ESR1: variants seen among roughly 807,000 people sequenced by gnomAD.
ESR1 encodes the protein estrogen receptor.
Under a neutral mutation model 52.7 loss-of-function variants are expected in ESR1, and 12 were observed. That is an observed-to-expected ratio of 0.23 (90% CI 0.15 to 0.37). ESR1 has a LOEUF of 0.37. Among genes scored for constraint, ESR1 ranks in the 10% least tolerant of loss-of-function variants. The pLI, the probability that ESR1 is intolerant of heterozygous loss-of-function variation, is 1.00. For missense variants in ESR1, 584 were observed against 779.7 expected, an observed-to-expected ratio of 0.75 and a Z score of 2.99; for synonymous variants, 305 against 316.8, an observed-to-expected ratio of 0.96 and a Z score of 0.39.
intron 3 of ESR1, among the ~76,000 whole-genome samples, chr6:151,881,761 T>A (rs1792954273): frequency 6.6e-6 from 1 of 152,064 alleles, no homozygotes; most frequent in Non-Finnish European, 1.5e-5. Flanking sequence ...CGAGTGCCAG[T>A]AGGCCCAGCT....
chr6:151,723,728 G>A (rs532917432), intron 2 of ESR1, among the ~76,000 whole-genome samples: 3 of 152,152 alleles, frequency 2.0e-5, no homozygotes, highest in Admixed American at 1.3e-4. Flanking sequence ...AATTAGCTGG[G>A]CGTGGTGGAG....
chr6:151,777,585 A>C (rs185896871), intron 2 of ESR1, among the ~76,000 whole-genome samples: 2 of 152,322 alleles, frequency 1.3e-5, no homozygotes, highest in East Asian at 3.9e-4. Context: ...AAGAAGGGTC[A>C]TGTGGGGACT....
At chr6:151,683,366 G>C (rs1470766144) in intron 1 of ESR1, among the ~76,000 whole-genome samples, 1 of 151,934 alleles carries the variant, frequency 6.6e-6, no homozygotes, top group East Asian at 1.9e-4. Context: ...GGTGAATGCA[G>C]GTCTCTTTGG....
chr6:151,723,573 A>G (rs1781612916), intron 2 of ESR1, among the ~76,000 whole-genome samples: 1 of 152,168 alleles, frequency 6.6e-6, no homozygotes, highest in Admixed American at 6.5e-5. Flanking sequence ...TCCATGTAAC[A>G]AAACAGCGCT....
At chr6:152,022,611 GT>G (rs1280071880) in intron 5 of ESR1, among the ~76,000 whole-genome samples, 3 of 152,094 alleles carry the variant, frequency 2.0e-5, no homozygotes, top group Non-Finnish European at 4.4e-5. Context: ...CCAGCCTGGG[GT>G]TAAGGCAGTT....
chr6:152,125,151 A>G, intron 6 of ESR1: 1 of 1,249,536 alleles, frequency 8.0e-7, no homozygotes, highest in South Asian at 1.6e-5. Context: ...GAAGAGGCCT[A>G]GCAGGGACTC....
rs1445360960 is a variant in ESR1, at chr6:152,061,186, A to G, written c.1369+62A>G. On this transcript the variant is annotated intron_variant, in intron 6 of 7. Transcript: ENST00000206249. This position sits in a 1 kb window ranked among gnomAD's most constrained non-coding sequence, Gnocchi z 4.3. ...AAATGTTTATTTGTAGTTTTCAACCAGATACGATCTACCCACTCCAAAGGC... is the reference window on the plus strand; with the variant it reads ...AAATGTTTATTTGTAGTTTTCAACCGGATACGATCTACCCACTCCAAAGGC... 3.9e-6 allele frequency: 6 copies of G among 1,525,602 alleles called. No individual in the cohort carries two copies. Among genetic ancestry groups the G allele is most frequent in the Non-Finnish European group, 2.7e-6 (3 of 1,101,182 alleles). 94.5% of individuals were successfully genotyped at this position (1,525,602 alleles called of 1,614,324 possible). A position where few individuals can be genotyped will look rare whatever the true frequency, so the allele number is the denominator to read the frequency against.
chr6:152,118,378 G>A lies in ESR1; in HGVS notation c.851-6888G>A, dbSNP rs565680306. On this transcript the variant is annotated intron_variant, in intron 6 of 6. Transcript: ENST00000427531. ...CCAAATGCCCATCAATGATAGACTG[G>A]ATAAAGAAAATGTGGCATGAATACA... The A allele has an allele frequency of 3.9e-5, 6 of 152,190 alleles. 1 individual carries two copies. In the South Asian group the frequency reaches 1.0e-3, roughly 26 times the overall value. The allele number at this position is 152,190 out of a possible 1,614,324, so 9.4% of individuals were successfully genotyped here.
intron 3 of ESR1, among the ~76,000 whole-genome samples, chr6:151,925,144 G>GT (rs1053106940): frequency 3.8e-5 from 4 of 106,520 alleles, no homozygotes; most frequent in African/African-American, 6.1e-5. Context: ...TTGTTTGTTT[G>GT]TTTTTTTAGT....
rs982259336 is a variant in ESR1, at chr6:151,761,402, A to G, written c.-70-46441A>G. On this transcript the variant is annotated intron_variant, in intron 2 of 2. Transcript: ENST00000404742. The stretch of plus-strand genomic sequence containing the variant: ...GGCTCTGTCATTCTTATTCCTAACC[A>G]TTTGCATAGGAAATTTAGATTCACC... Among the ~76,000 whole-genome samples the G allele has an allele frequency of 3.3e-5, 5 of 152,092 alleles. No homozygotes were observed. The South Asian group carries it at 6.2e-4, about 19-fold the overall frequency.
upstream of ESR1, among the ~76,000 whole-genome samples, chr6:151,806,530 G>GTATATGTATATATATATA (rs1554259016): frequency 2.4e-3 from 230 of 96,428 alleles, 1 homozygote; most frequent in Non-Finnish European, 4.2e-3. Flanking sequence ...TCCTTAATAT[G>GTATATGTATATATATATA]TATATATATA....
At chr6:151,932,710 A>G (rs572113942) in intron 3 of ESR1, among the ~76,000 whole-genome samples, 1,902 of 151,994 alleles carry the variant, frequency 0.013, 20 homozygotes, top group Non-Finnish European at 0.018. Context: ...TTAAATAGGG[A>G]ATCCTTTCCC....
chr6:152,093,344 C>CTCTCTCTCTT (rs1311094475), intron 6 of ESR1, among the ~76,000 whole-genome samples: 2 of 142,396 alleles, frequency 1.4e-5, no homozygotes, highest in African/African-American at 5.3e-5. Context: ...CTCTCTCTCT[C>CTCTCTCTCTT]TCTCTCTCTT....
At chr6:151,737,337 T>C (rs1446143926) in intron 2 of ESR1, among the ~76,000 whole-genome samples, 1 of 152,218 alleles carries the variant, frequency 6.6e-6, no homozygotes, top group East Asian at 1.9e-4. Context: ...TTATTCATCT[T>C]GCCAATTGTC....
chr6:151,753,611 C>T (rs558044076), intron 2 of ESR1, among the ~76,000 whole-genome samples: 1 of 152,288 alleles, frequency 6.6e-6, no homozygotes, highest in South Asian at 2.1e-4. Flanking sequence ...AGCCACCGTG[C>T]CCAGCCTGAT....
intron 1 of ESR1, among the ~76,000 whole-genome samples, chr6:151,696,298 C>T (rs991798162): frequency 4.0e-5 from 6 of 151,814 alleles, no homozygotes; most frequent in Non-Finnish European, 7.4e-5. Flanking sequence ...TAGTGAAATG[C>T]TATCTCTACT....
intron 2 of ESR1, among the ~76,000 whole-genome samples, chr6:151,788,373 AG>A (rs1416856259): frequency 6.6e-6 from 1 of 152,268 alleles, no homozygotes; most frequent in African/African-American, 2.4e-5. Context: ...ACTGATCATT[AG>A]AGAAATGCAA....
At chr6:151,860,985 A>G (rs1189268126) in intron 2 of ESR1, among the ~76,000 whole-genome samples, 1 of 152,154 alleles carries the variant, frequency 6.6e-6, no homozygotes, top group Non-Finnish European at 1.5e-5. Flanking sequence ...TTTCTTAGCA[A>G]TCTTTGATTG....
upstream of ESR1, among the ~76,000 whole-genome samples, chr6:151,803,720 C>T (rs957954006): frequency 9.2e-5 from 14 of 151,884 alleles, no homozygotes; most frequent in African/African-American, 2.4e-4. Flanking sequence ...AGGGAGTGGC[C>T]GAAATGCAAT....
Sources: gnomAD v4.1 joint callset for allele counts (sites outside exome capture counted in the v4.1 genomes callset) on GRCh38, gnomAD v4.1.1 for gene constraint, Gnocchi (gnomAD v3.1) non-coding constraint, MANE v1.5 for transcripts, NCBI Gene and HGNC (gene_info 2026-07-23, HGNC 2026-07-21) for gene names.